The following CYP4X1 variants were observed in gnomAD, a reference collection of about 807,000 sequenced individuals.
CYP4X1 encodes cytochrome P450 family 4 subfamily X member 1.
In CYP4X1, 44 loss-of-function variants were observed where a neutral mutation model predicts 57.9. The observed-to-expected ratio is 0.76, with a 90% confidence interval of 0.60 to 0.98. The LOEUF (loss-of-function observed/expected upper bound fraction) is 0.98. CYP4X1 is among the 50% of genes least tolerant of loss of function. The pLI, the probability that CYP4X1 is intolerant of heterozygous loss-of-function variation, is 0.00. For missense variants in CYP4X1, 532 were observed against 623.9 expected (o/e 0.85, Z 1.57); for synonymous variants, 227 against 228.6 (o/e 0.99, Z 0.06).
chr1:47,027,327 G>T (rs1012367036), intron 1 of CYP4X1, among the ~76,000 whole-genome samples: 13 of 151,962 alleles, frequency 8.6e-5, no homozygotes, highest in Admixed American at 6.5e-4. Context: ...AGTATCTAAG[G>T]CTCAAAAGGT....
the CYP4X1 span, among the ~76,000 whole-genome samples, chr1:46,981,812 A>G: frequency 6.6e-6 from 1 of 152,214 alleles, no homozygotes; most frequent in South Asian, 2.1e-4. Flanking sequence ...TTAAACAAGG[A>G]TAAGTTAATG....
chr1:47,032,033 ACT>A (rs921945755), intron 3 of CYP4X1, among the ~76,000 whole-genome samples: 1 of 151,228 alleles, frequency 6.6e-6, no homozygotes, highest in Non-Finnish European at 1.5e-5. Flanking sequence ...ACAGAGCAAA[ACT>A]CTGTCCGCAG....
chr1:47,013,647 TTTAAC>T, the CYP4X1 span, among the ~76,000 whole-genome samples: 1 of 152,176 alleles, frequency 6.6e-6, no homozygotes, highest in Non-Finnish European at 1.5e-5. Flanking sequence ...AAGTTAATTG[TTTAAC>T]TTATTATCCA....
At chr1:47,028,501 C>T (rs1382331881) in intron 1 of CYP4X1, among the ~76,000 whole-genome samples, 1 of 152,176 alleles carries the variant, frequency 6.6e-6, no homozygotes, top group Admixed American at 6.5e-5. Context: ...GGGCACTATG[C>T]ATTTTCTGAA....
intron 6 of CYP4X1, among the ~76,000 whole-genome samples, chr1:47,037,900 T>A (rs990083623): frequency 3.3e-5 from 5 of 152,196 alleles, no homozygotes; most frequent in African/African-American, 1.2e-4. Context: ...AGTTGTCCCA[T>A]CACCATTATT....
the CYP4X1 span, among the ~76,000 whole-genome samples, chr1:47,008,811 A>G: frequency 5.9e-4 from 90 of 152,302 alleles, no homozygotes; most frequent in Non-Finnish European, 1.0e-3. Flanking sequence ...ACAAAAATCA[A>G]AAGACACAAA....
intron 9 of CYP4X1, among the ~76,000 whole-genome samples, chr1:47,048,203 C>T (rs553782857): frequency 2.6e-5 from 4 of 152,146 alleles, no homozygotes; most frequent in Non-Finnish European, 5.9e-5. Flanking sequence ...GAGCAATGTT[C>T]ACGCCACTGC....
At chr1:47,001,065 T>C in the CYP4X1 span, 33 of 233,530 alleles carry the variant, frequency 1.4e-4, no homozygotes, top group African/African-American at 6.7e-4. Context: ...TGGCAAATTG[T>C]TTCCCGATGC....
chr1:47,048,426 C>A (rs1007471178), intron 9 of CYP4X1, 139 bp from the exon 10 acceptor site: 35 of 890,528 alleles, frequency 3.9e-5, no homozygotes, highest in Non-Finnish European at 5.3e-5. Context: ...GTGCTCCTCA[C>A]TGGTGTCATC....
the CYP4X1 span, among the ~76,000 whole-genome samples, chr1:47,010,722 A>T: frequency 6.6e-6 from 1 of 152,232 alleles, no homozygotes; most frequent in Non-Finnish European, 1.5e-5. Flanking sequence ...GTCTCAGGAT[A>T]CAAAATCAAT....
chr1:47,016,662 T>C, the CYP4X1 span, among the ~76,000 whole-genome samples: 1 of 152,230 alleles, frequency 6.6e-6, no homozygotes, highest in African/African-American at 2.4e-5. Flanking sequence ...ATCTATGGGG[T>C]ACATGAGATG....
At chr1:47,050,983 C>T (rs1039906858), downstream of CYP4X1, among the ~76,000 whole-genome samples, 6 of 152,260 alleles carry the variant, frequency 3.9e-5, no homozygotes, top group African/African-American at 7.2e-5. Context: ...GCAACCTACT[C>T]ATCTGACAAA....
the CYP4X1 span, among the ~76,000 whole-genome samples, chr1:46,977,892 G>C: frequency 1.3e-5 from 2 of 152,012 alleles, no homozygotes; most frequent in Non-Finnish European, 2.9e-5. Flanking sequence ...ATAAGAGAAG[G>C]AGAAATAAAA....
the CYP4X1 span, among the ~76,000 whole-genome samples, chr1:46,982,274 T>C: frequency 1.3e-5 from 2 of 152,252 alleles, no homozygotes; most frequent in Non-Finnish European, 2.9e-5. Context: ...CTTTGATTCC[T>C]TGGAATGAGT....
chr1:46,992,750 T>G, the CYP4X1 span, among the ~76,000 whole-genome samples: 6 of 152,216 alleles, frequency 3.9e-5, no homozygotes, highest in Admixed American at 2.0e-4. Context: ...TTTCAATTCT[T>G]TTGGTTATAT....
upstream of CYP4X1, among the ~76,000 whole-genome samples, chr1:47,022,702 G>T (rs1484747791): frequency 6.6e-6 from 1 of 152,216 alleles, no homozygotes; most frequent in Non-Finnish European, 1.5e-5. Context: ...GAGGGACAGT[G>T]ATAGGGAGAA....
chr1:46,983,470 A>T, the CYP4X1 span, among the ~76,000 whole-genome samples: 1 of 152,228 alleles, frequency 6.6e-6, no homozygotes, highest in Non-Finnish European at 1.5e-5. Flanking sequence ...GTTCCACTGC[A>T]GCTGCAATGG....
chr1:47,053,673 G>C (rs1459349176), downstream of CYP4X1, among the ~76,000 whole-genome samples: 4 of 152,218 alleles, frequency 2.6e-5, no homozygotes, highest in Non-Finnish European at 5.9e-5. Flanking sequence ...GGCCAGTGAT[G>C]ATGAGCATTT....
At chr1:47,002,015 G>C in the CYP4X1 span, among the ~76,000 whole-genome samples, 1 of 152,186 alleles carries the variant, frequency 6.6e-6, no homozygotes, top group Non-Finnish European at 1.5e-5. Flanking sequence ...AAACATCCAG[G>C]CAGCGTTCGT....
Sources: allele counts gnomAD v4.1 joint callset (sites outside exome capture counted in the v4.1 genomes callset), GRCh38; gene constraint gnomAD v4.1.1; transcripts MANE v1.5; gene names NCBI Gene and HGNC (gene_info 2026-07-23, HGNC 2026-07-21).